Variants in DCDC1 observed in about 807,000 individuals in gnomAD.
DCDC1 encodes the protein doublecortin domain-containing protein 1.
DCDC1 carries 200 observed loss-of-function variants against 178.3 expected under a neutral mutation model. The ratio of observed to expected loss-of-function variants is 1.12; its 90% confidence interval spans 1.00 to 1.26. The LOEUF is 1.26. Among genes scored for constraint, DCDC1 ranks in the 50% most tolerant of loss-of-function variants. The pLI, the probability that DCDC1 is intolerant of heterozygous loss-of-function variation, is 0.00. For missense variants in DCDC1, 1,983 were observed against 1,749.2 expected (o/e 1.13, Z -2.38); for synonymous variants, 690 against 604.8 (o/e 1.14, Z -2.07).
At chr11:30,907,604 T>G (rs772638376) in intron 29 of DCDC1, among the ~76,000 whole-genome samples, 3 of 152,056 alleles carry the variant, frequency 2.0e-5, no homozygotes, top group Non-Finnish European at 4.4e-5. Context: ...TGAGCTAGCC[T>G]GCTCGAGAAG....
At chr11:31,160,840 T>C (rs1033379930) in intron 9 of DCDC1, among the ~76,000 whole-genome samples, 1 of 152,206 alleles carries the variant, frequency 6.6e-6, no homozygotes, top group African/African-American at 2.4e-5. Context: ...CATTTCCTTA[T>C]GCTCTTGAAT....
intron 22 of DCDC1, 76 bp from the exon 23 acceptor site, chr11:30,925,484 T>C (rs2134273333): frequency 7.6e-7 from 1 of 1,316,648 alleles, no homozygotes; most frequent in Non-Finnish European, 1.1e-6. Flanking sequence ...AAAAGAAATC[T>C]GGGGCCTGAA....
rs1416051902 is a variant in DCDC1, at chr11:31,048,640, T to A, written c.2591+15829A>T. On this transcript the variant is annotated intron_variant, in intron 20 of 38. Coordinates refer to ENST00000684477, the MANE Select transcript of DCDC1 (RefSeq NM_001387274.1). ...AGGCCAAGGTGGGTAGATCACGAGGTCAGGAGATCGAGACCATCCTGGCTA... is the reference window on the plus strand; with the variant it reads ...AGGCCAAGGTGGGTAGATCACGAGGACAGGAGATCGAGACCATCCTGGCTA... Among the ~76,000 whole-genome samples the A allele has an allele frequency of 2.0e-5, 3 of 151,726 alleles. No homozygotes were observed. The East Asian group carries it at 5.8e-4, about 29-fold the overall frequency.
intron 22 of DCDC1, among the ~76,000 whole-genome samples, chr11:30,926,465 G>A (rs1946596604): frequency 6.6e-6 from 1 of 152,178 alleles, no homozygotes; most frequent in African/African-American, 2.4e-5. Flanking sequence ...AAAATGGGCT[G>A]GAGGTGGGAG....
At chr11:30,884,777 G>C (rs540168910) in intron 36 of DCDC1, among the ~76,000 whole-genome samples, 20 of 151,854 alleles carry the variant, frequency 1.3e-4, no homozygotes, top group African/African-American at 4.8e-4. Context: ...ACTAAAATAA[G>C]CATATTTTAG....
intron 9 of DCDC1, among the ~76,000 whole-genome samples, chr11:31,199,474 C>T (rs1173285630): frequency 6.6e-6 from 1 of 152,060 alleles, no homozygotes; most frequent in Non-Finnish European, 1.5e-5. Flanking sequence ...TTTCAGCATG[C>T]CTGGAACTTA....
intron 11 of DCDC1, among the ~76,000 whole-genome samples, chr11:31,125,949 C>CA (rs1565317397): frequency 6.6e-6 from 1 of 151,518 alleles, no homozygotes; most frequent in African/African-American, 2.4e-5. Flanking sequence ...AAATAAAATG[C>CA]AAAAAAGGGA....
chr11:31,046,130 C>T (rs1954822545), intron 20 of DCDC1, among the ~76,000 whole-genome samples: 1 of 152,104 alleles, frequency 6.6e-6, no homozygotes, highest in South Asian at 2.1e-4. Context: ...GTTGCTTGCC[C>T]CTGGAAACCA....
At chr11:31,315,308 T>C (rs1949015535) in intron 3 of DCDC1, among the ~76,000 whole-genome samples, 2 of 26,654 alleles carry the variant, frequency 7.5e-5, no homozygotes, top group African/African-American at 1.2e-3. Context: ...TGCATACCCT[T>C]TTTTTTTTTT....
chr11:31,211,785 T>A (rs2136535391), intron 9 of DCDC1, among the ~76,000 whole-genome samples: 1 of 151,850 alleles, frequency 6.6e-6, no homozygotes, highest in East Asian at 1.9e-4. Context: ...TACTGAGCTT[T>A]AAAAAAAAGC....
Position 30,935,073 on chromosome 11 carries a change from G to T in DCDC1, c.2716-3121C>A, listed in dbSNP as rs141972783. Among the ~76,000 whole-genome samples, 6 of 152,212 alleles carry T rather than the reference G, an allele frequency of 3.9e-5. No homozygotes were observed. In the East Asian group the frequency reaches 1.2e-3, roughly 29 times the overall value. ...ACCTGAGATGCTACTTTTGGTTTTT[G>T]GTTTAGAACAGCTGGATTGTCAATG... On this transcript the variant is annotated intron_variant, in intron 21 of 38. Coordinates refer to ENST00000684477, the MANE Select transcript of DCDC1 (RefSeq NM_001387274.1).
chr11:31,328,313 A>G (rs1271564730), intron 2 of DCDC1, 27 bp from the exon 3 acceptor site: 1 of 1,532,260 alleles, frequency 6.5e-7, no homozygotes, highest in Admixed American at 2.0e-5. Context: ...ATGTTATTTA[A>G]TTTTAAATGT....
chr11:31,229,352 A>G (rs1252413342), intron 9 of DCDC1, among the ~76,000 whole-genome samples: 1 of 152,160 alleles, frequency 6.6e-6, no homozygotes, highest in Non-Finnish European at 1.5e-5. Flanking sequence ...AATCACTAAT[A>G]GCATTTAATA....
At chr11:31,213,097 CAG>C (rs1565441532) in intron 9 of DCDC1, among the ~76,000 whole-genome samples, 1 of 120,378 alleles carries the variant, frequency 8.3e-6, no homozygotes, top group African/African-American at 3.2e-5. Context: ...ATATAAAGCC[CAG>C]CCTCTCTCTC....
At position 31,003,087 on chromosome 11, in the gene DCDC1, A is replaced by AATATAT. The variant is rs58682579; in HGVS notation, c.2592-50525_2592-50520dup. Among the ~76,000 whole-genome samples the AATATAT allele has an allele frequency of 2.5e-3, 370 of 147,184 alleles. 4 individuals are homozygous for AATATAT. The highest frequency in any genetic ancestry group is 0.018 in the South Asian group (82 of 4,682). On this transcript the variant is annotated intron_variant, in intron 20 of 38. Coordinates refer to ENST00000684477, the MANE Select transcript of DCDC1 (RefSeq NM_001387274.1). ...ATTTGGATGGCCACACATATCTTTA[A>AATATAT]ATATATATATATATATATAATCTAG... is the stretch of plus-strand genomic sequence containing the variant.
chr11:30,920,699 C>G, intron 25 of DCDC1, 77 bp downstream of exon 25: 1 of 1,549,410 alleles, frequency 6.5e-7, no homozygotes, highest in South Asian at 1.2e-5. Context: ...CCTGCATGGG[C>G]TCTGTGCTGT....
At chr11:31,005,795 T>C (rs1951803801) in intron 20 of DCDC1, among the ~76,000 whole-genome samples, 1 of 151,592 alleles carries the variant, frequency 6.6e-6, no homozygotes, top group Admixed American at 6.6e-5. Flanking sequence ...ACAAAAACAT[T>C]TTCTTCACCT....
At chr11:31,059,681 C>T (rs567587809) in intron 20 of DCDC1, among the ~76,000 whole-genome samples, 5 of 152,116 alleles carry the variant, frequency 3.3e-5, no homozygotes, top group African/African-American at 1.2e-4. Flanking sequence ...GACAGCCTGA[C>T]TATTGTCAAA....
At chr11:31,091,259 A>T (rs1424806578) in intron 17 of DCDC1, 134 bp downstream of exon 17, 2 of 558,996 alleles carry the variant, frequency 3.6e-6, no homozygotes, top group Non-Finnish European at 6.4e-6. Context: ...TCAGAAATTA[A>T]TATTGTTATT....
Sources: gnomAD v4.1 joint callset for allele counts (sites outside exome capture counted in the v4.1 genomes callset) on GRCh38, gnomAD v4.1.1 for gene constraint, MANE v1.5 for transcripts, NCBI Gene and HGNC (gene_info 2026-07-23, HGNC 2026-07-21) for gene names.